The following KDM3B variants were observed in gnomAD, a reference collection of about 807,000 sequenced individuals.
KDM3B encodes the protein lysine demethylase 3B.
A neutral mutation model predicts 170.0 loss-of-function variants in KDM3B; 10 were observed. The ratio of observed to expected loss-of-function variants is 0.06; its 90% CI spans 0.04 to 0.10. KDM3B has a LOEUF of 0.10. KDM3B is among the 10% of genes least tolerant of loss of function. The probability of loss-of-function intolerance (pLI) is 1.00; values close to 1 mark genes in which losing one functional copy is unlikely to be tolerated. For synonymous variants in KDM3B, 831 were observed against 834.8 expected, an observed-to-expected ratio of 1.00 and a Z score of 0.08; for missense variants, 1,394 against 2,195.2, an observed-to-expected ratio of 0.64 and a Z score of 7.29.
intron 11 of KDM3B, among the ~76,000 whole-genome samples, chr5:138,412,798 T>C (rs1027710205): frequency 6.6e-6 from 1 of 152,024 alleles, no homozygotes; most frequent in Non-Finnish European, 1.5e-5. Flanking sequence ...TTTTTTGTTA[T>C]TGTTGTTCTG....
chr5:138,415,022 A>G, intron 11 of KDM3B, 110 bp from the exon 12 acceptor site: 1 of 575,638 alleles, frequency 1.7e-6, no homozygotes. Context: ...GTTAGCTGTT[A>G]TCTCCTTCAG....
chr5:138,419,668 A>AATATATAT (rs767158831), intron 14 of KDM3B, among the ~76,000 whole-genome samples: 10 of 109,226 alleles, frequency 9.2e-5, no homozygotes, highest in African/African-American at 3.3e-4. Flanking sequence ...AAAAAAAAAA[A>AATATATAT]ATATATATAT....
intron 1 of KDM3B, among the ~76,000 whole-genome samples, chr5:138,364,685 C>T (rs976131879): frequency 8.6e-5 from 13 of 151,896 alleles, no homozygotes; most frequent in African/African-American, 3.1e-4. Context: ...CATTTAAAGT[C>T]TTTATTTCAT....
intron 1 of KDM3B, among the ~76,000 whole-genome samples, chr5:138,361,058 A>G (rs956876635): frequency 3.3e-5 from 5 of 152,178 alleles, no homozygotes; most frequent in Non-Finnish European, 5.9e-5. Flanking sequence ...GGTAAGAAAC[A>G]TGGCATTTTC....
At chr5:138,395,237 G>C (rs1198444216) in intron 9 of KDM3B, among the ~76,000 whole-genome samples, 1 of 152,126 alleles carries the variant, frequency 6.6e-6, no homozygotes, top group Non-Finnish European at 1.5e-5. Flanking sequence ...GATATCACCA[G>C]GTATTTAAAG....
At chr5:138,397,494 C>T (rs544779515) in intron 9 of KDM3B, among the ~76,000 whole-genome samples, 8 of 152,060 alleles carry the variant, frequency 5.3e-5, no homozygotes, top group African/African-American at 1.4e-4. Context: ...GGTAACAGAA[C>T]GCAACTTTGT....
rs1580969146 is a variant in KDM3B, at chr5:138,435,813, G to T, written c.*113G>T. Reference sequence around the variant, plus strand: ...AGGCCCTTCACCCAGAGCCAGTGTGGTCAGTATTCCAAACTCTCCAGCCAC... The same window carrying T: ...AGGCCCTTCACCCAGAGCCAGTGTGTTCAGTATTCCAAACTCTCCAGCCAC... On this transcript the variant is annotated 3_prime_UTR_variant, in exon 24 of 24. Coordinates refer to ENST00000314358, the MANE Select transcript of KDM3B (RefSeq NM_016604.4). The T allele has an allele frequency of 7.5e-6, 6 of 799,920 alleles. No homozygotes were observed. The East Asian group carries it at 1.3e-4, about 18-fold the overall frequency. 49.6% of individuals were successfully genotyped at this position (799,920 alleles called of 1,614,324 possible).
chr5:138,415,330 C>T, intron 12 of KDM3B, 91 bp downstream of exon 12: 2 of 651,140 alleles, frequency 3.1e-6, no homozygotes, highest in East Asian at 5.5e-5. Flanking sequence ...GATTTAGCCT[C>T]ATTTTTTCTT....
chr5:138,361,587 G>T (rs1761611645), intron 1 of KDM3B, among the ~76,000 whole-genome samples: 1 of 152,162 alleles, frequency 6.6e-6, no homozygotes, highest in African/African-American at 2.4e-5. Flanking sequence ...TTGCCAAAAG[G>T]CTGTTTAAAG....
chr5:138,385,888 GT>G, intron 6 of KDM3B, 133 bp from the exon 7 acceptor site: 1 of 989,384 alleles, frequency 1.0e-6, no homozygotes, highest in South Asian at 1.7e-5. Context: ...CAAAGGGGAT[GT>G]TTTAGAACTG....
chr5:138,379,854 T>G, intron 5 of KDM3B, 146 bp downstream of exon 5: 1 of 697,694 alleles, frequency 1.4e-6, no homozygotes, highest in South Asian at 2.9e-5. Flanking sequence ...CTAGAAAGGC[T>G]ATTGAATTTT....
intron 1 of KDM3B, among the ~76,000 whole-genome samples, chr5:138,370,938 A>G (rs1761858668): frequency 6.6e-6 from 1 of 151,906 alleles, no homozygotes; most frequent in Non-Finnish European, 1.5e-5. Context: ...CCTCCTGAGT[A>G]GCTGGAATTA....
chr5:138,363,779 C>G (rs1193699739), intron 1 of KDM3B, among the ~76,000 whole-genome samples: 2 of 152,212 alleles, frequency 1.3e-5, no homozygotes, highest in African/African-American at 4.8e-5. Flanking sequence ...ATCTCCTGAC[C>G]TGGTGATCCG....
intron 12 of KDM3B, 89 bp downstream of exon 12, chr5:138,415,328 C>T: frequency 1.5e-6 from 1 of 655,762 alleles, no homozygotes; most frequent in Non-Finnish European, 2.6e-6. Context: ...ATGATTTAGC[C>T]TCATTTTTTC....
chr5:138,423,456 G>A (rs866298118), intron 15 of KDM3B, among the ~76,000 whole-genome samples: 39 of 152,236 alleles, frequency 2.6e-4, no homozygotes, highest in African/African-American at 5.1e-4. Flanking sequence ...GTGACCTTAG[G>A]TATGTCACTT....
In KDM3B at chr5:138,377,824, A is replaced by T; in HGVS notation, c.579A>T (p.Arg193=). 2 of 1,607,842 alleles carry T rather than the reference A, an allele frequency of 1.2e-6. No individual in the cohort carries two copies. Among genetic ancestry groups the T allele is most frequent in the Non-Finnish European group, 1.7e-6 (2 of 1,174,392 alleles). Reference sequence around the variant, plus strand: ...AAAAGCTACAAGAGATATTCAGCCGAGGTAAGAACGGATAGTCTTCTGTCC... The same window carrying T: ...AAAAGCTACAAGAGATATTCAGCCGTGGTAAGAACGGATAGTCTTCTGTCC... ...SDQKLQEIFS[R]GPYSVQGHRV... The change falls in exon 4 of 24, where the codon CGA becomes CGT. Residue 193 remains arginine (R), a splice_region_variant and synonymous_variant. Coordinates refer to ENST00000314358, the MANE Select transcript of KDM3B (RefSeq NM_016604.4).
intron 9 of KDM3B, among the ~76,000 whole-genome samples, chr5:138,395,362 G>A (rs1026769966): frequency 6.6e-6 from 1 of 152,208 alleles, no homozygotes; most frequent in Non-Finnish European, 1.5e-5. Flanking sequence ...TAGTAAAGGA[G>A]ACTGAGAAAG....
intron 9 of KDM3B, among the ~76,000 whole-genome samples, chr5:138,394,110 C>T (rs1470972713): frequency 5.3e-5 from 8 of 152,034 alleles, no homozygotes; most frequent in Non-Finnish European, 1.2e-4. Flanking sequence ...GAAAAAAGGC[C>T]AAGCATGATT....
intron 21 of KDM3B, 82 bp from the exon 22 acceptor site, chr5:138,430,167 T>G: frequency 2.7e-6 from 4 of 1,499,580 alleles, no homozygotes; most frequent in Non-Finnish European, 3.6e-6. Flanking sequence ...CCACCCCATC[T>G]TAGGACATTG....
Sources: allele counts gnomAD v4.1 joint callset (sites outside exome capture counted in the v4.1 genomes callset), GRCh38; gene constraint gnomAD v4.1.1; transcripts MANE v1.5; gene names NCBI Gene and HGNC (gene_info 2026-07-23, HGNC 2026-07-21).